The following MLLT3 variants were observed in gnomAD, a reference collection of about 807,000 sequenced individuals.
The protein encoded by MLLT3 is MLLT3 super elongation complex subunit, also known as protein AF-9.
MLLT3 carries 4 observed loss-of-function variants against 53.2 expected under a neutral mutation model. The ratio of observed to expected loss-of-function variants is 0.08; its 90% CI spans 0.04 to 0.17. The LOEUF is 0.17. Ranked by LOEUF, MLLT3 falls within the 10% of genes least tolerant of loss-of-function variation. The pLI, the probability that MLLT3 is intolerant of heterozygous loss-of-function variation, is 1.00. For synonymous variants in MLLT3, 283 were observed against 230.6 expected (o/e 1.23, Z -2.06); for missense variants, 569 against 684.0 (o/e 0.83, Z 1.87).
chr9:20,346,619 A>G, intron 10 of MLLT3, 45 bp from the exon 11 acceptor site: 1 of 1,592,076 alleles, frequency 6.3e-7, no homozygotes, highest in Non-Finnish European at 8.6e-7. Context: ...CGCAGCAAAC[A>G]TCAAAAGGCA....
intron 2 of MLLT3, among the ~76,000 whole-genome samples, chr9:20,467,052 G>A (rs536296621): frequency 6.6e-6 from 1 of 152,172 alleles, no homozygotes; most frequent in South Asian, 2.1e-4. Context: ...ACTGAATTAG[G>A]TATTTCTTAA....
intron 2 of MLLT3, among the ~76,000 whole-genome samples, chr9:20,559,445 G>A (rs1486338171): frequency 6.6e-6 from 1 of 152,160 alleles, no homozygotes; most frequent in Non-Finnish European, 1.5e-5. Flanking sequence ...TTTTACACCA[G>A]TGCAAAGGGT....
At chr9:20,544,212 G>A (rs1004777577) in intron 2 of MLLT3, among the ~76,000 whole-genome samples, 5 of 152,136 alleles carry the variant, frequency 3.3e-5, no homozygotes, top group Non-Finnish European at 5.9e-5. Flanking sequence ...ACTCCTAGAA[G>A]AAAACATAGG....
At chr9:20,399,616 T>G (rs1822405088) in intron 5 of MLLT3, among the ~76,000 whole-genome samples, 1 of 152,074 alleles carries the variant, frequency 6.6e-6, no homozygotes, top group African/African-American at 2.4e-5. Flanking sequence ...CATAAAGGAC[T>G]CAGGGTAATA....
chr9:20,445,009 T>C (rs1823659222), intron 4 of MLLT3, among the ~76,000 whole-genome samples: 1 of 151,898 alleles, frequency 6.6e-6, no homozygotes, highest in African/African-American at 2.4e-5. Context: ...GACGTTCATT[T>C]CAGCCTGGCA....
At chr9:20,585,771 T>C (rs553647196) in intron 2 of MLLT3, among the ~76,000 whole-genome samples, 3 of 152,376 alleles carry the variant, frequency 2.0e-5, no homozygotes, top group Admixed American at 6.5e-5. Flanking sequence ...CATGGTCATC[T>C]TGGAGCATGA....
chr9:20,616,618 C>T (rs571865554), intron 2 of MLLT3, among the ~76,000 whole-genome samples: 2 of 152,126 alleles, frequency 1.3e-5, no homozygotes, highest in Non-Finnish European at 2.9e-5. Flanking sequence ...TATAGACATA[C>T]GTATACTTAT....
chr9:20,509,866 A>ATTTTTTT (rs781686084), intron 2 of MLLT3, among the ~76,000 whole-genome samples: 1 of 135,486 alleles, frequency 7.4e-6, no homozygotes. Context: ...TCAGGGTACA[A>ATTTTTTT]TTATTATTTT....
At chr9:20,408,129 C>A (rs1822631156) in intron 5 of MLLT3, among the ~76,000 whole-genome samples, 1 of 152,132 alleles carries the variant, frequency 6.6e-6, no homozygotes, top group African/African-American at 2.4e-5. Context: ...TTGATGACAA[C>A]CAGCTTTGCA....
chr9:20,450,151 T>C (rs1406147021), intron 3 of MLLT3, among the ~76,000 whole-genome samples: 2 of 152,224 alleles, frequency 1.3e-5, no homozygotes, highest in Non-Finnish European at 2.9e-5. Flanking sequence ...TACACAAAAA[T>C]CATTCCCAAC....
chr9:20,450,998 G>A (rs1823826096), intron 3 of MLLT3, among the ~76,000 whole-genome samples: 1 of 152,082 alleles, frequency 6.6e-6, no homozygotes, highest in South Asian at 2.1e-4. Flanking sequence ...GAAATATTCA[G>A]ATATAAGTAC....
At chr9:20,466,706 A>G (rs985314387) in intron 2 of MLLT3, among the ~76,000 whole-genome samples, 1 of 152,238 alleles carries the variant, frequency 6.6e-6, no homozygotes. Flanking sequence ...AGTATCTCTC[A>G]TGGTCTCTGA....
intron 2 of MLLT3, among the ~76,000 whole-genome samples, chr9:20,521,748 A>C (rs1190821857): frequency 6.6e-6 from 1 of 152,198 alleles, no homozygotes. Context: ...TAGGTATTGA[A>C]TCCTGGATTT....
chr9:20,496,451 T>C (rs2118930908), intron 2 of MLLT3, among the ~76,000 whole-genome samples: 1 of 152,110 alleles, frequency 6.6e-6, no homozygotes, highest in East Asian at 1.9e-4. Flanking sequence ...TCTATCCCAA[T>C]TAGATCACTC....
chr9:20,599,814 A>G (rs1159657363), intron 2 of MLLT3, among the ~76,000 whole-genome samples: 1 of 152,210 alleles, frequency 6.6e-6, no homozygotes, highest in Non-Finnish European at 1.5e-5. Context: ...CACCATATTC[A>G]TAGGCCACAT....
intron 2 of MLLT3, among the ~76,000 whole-genome samples, chr9:20,584,769 G>A (rs1819905331): frequency 6.6e-6 from 1 of 152,194 alleles, no homozygotes; most frequent in African/African-American, 2.4e-5. Flanking sequence ...TACAATTCAA[G>A]TTGAGATTTG....
intron 5 of MLLT3, among the ~76,000 whole-genome samples, chr9:20,369,865 C>G (rs559063978): frequency 1.3e-5 from 2 of 152,246 alleles, no homozygotes; most frequent in African/African-American, 4.8e-5. Flanking sequence ...ACCCTACCCC[C>G]TAAGAAACAT....
At chr9:20,408,275 T>C (rs886856468) in intron 5 of MLLT3, among the ~76,000 whole-genome samples, 2 of 152,052 alleles carry the variant, frequency 1.3e-5, no homozygotes, top group Non-Finnish European at 2.9e-5. Flanking sequence ...CCAACTGTTT[T>C]TTTTTTTAAT....
intron 4 of MLLT3, among the ~76,000 whole-genome samples, chr9:20,428,996 C>T (rs531243117): frequency 6.6e-6 from 1 of 152,044 alleles, no homozygotes; most frequent in Non-Finnish European, 1.5e-5. Flanking sequence ...ACAAAGAAAA[C>T]ATCAAGCCCA....
Sources: gnomAD v4.1 joint callset for allele counts (sites outside exome capture counted in the v4.1 genomes callset) on GRCh38, gnomAD v4.1.1 for gene constraint, MANE v1.5 for transcripts, NCBI Gene and HGNC (gene_info 2026-07-23, HGNC 2026-07-21) for gene names.